ARID2: variants seen among roughly 807,000 people sequenced by gnomAD.
ARID2 encodes the protein AT-rich interactive domain-containing protein 2.
Under a neutral mutation model 184.6 loss-of-function variants are expected in ARID2, and 32 were observed. That is an observed-to-expected ratio of 0.17 (90% confidence interval 0.13 to 0.23). ARID2 has a LOEUF of 0.23. Among genes scored for constraint, ARID2 ranks in the 10% least tolerant of loss-of-function variants. The pLI is 1.00. For missense variants in ARID2, 1,696 were observed against 2,197.6 expected (o/e 0.77, Z 4.56); for synonymous variants, 836 against 772.6 (o/e 1.08, Z -1.36).
chr12:45,800,677 G>A (rs1017295736), intron 3 of ARID2, among the ~76,000 whole-genome samples: 1 of 151,906 alleles, frequency 6.6e-6, no homozygotes, highest in African/African-American at 2.4e-5. Flanking sequence ...GGAGAAAGAG[G>A]GATTCTAGGG....
At chr12:45,845,757 C>T (rs1384195172) in intron 11 of ARID2, among the ~76,000 whole-genome samples, 2 of 152,026 alleles carry the variant, frequency 1.3e-5, no homozygotes, top group African/African-American at 4.8e-5. Flanking sequence ...TTTTAAAATG[C>T]ATTTGTTCTG....
chr12:45,770,451 C>CT (rs1489311717), intron 3 of ARID2, among the ~76,000 whole-genome samples: 1 of 152,138 alleles, frequency 6.6e-6, no homozygotes, highest in Non-Finnish European at 1.5e-5. Flanking sequence ...CCAGCACAGC[C>CT]TGCAGCTAGA....
chr12:45,823,133 A>G (rs982593942), intron 6 of ARID2, among the ~76,000 whole-genome samples: 4 of 152,126 alleles, frequency 2.6e-5, no homozygotes, highest in African/African-American at 4.8e-5. Context: ...TTATATCGCA[A>G]TGGAATAAAA....
intron 3 of ARID2, among the ~76,000 whole-genome samples, chr12:45,780,840 G>A (rs1032801646): frequency 1.8e-4 from 27 of 151,918 alleles, no homozygotes; most frequent in Admixed American, 2.6e-4. Flanking sequence ...GGCTGTTCTC[G>A]AACTCCTGAC....
At chr12:45,881,478 GACTTCAGTTTC>G (rs756157829) in intron 16 of ARID2, 1 of 152,726 alleles carries the variant, frequency 6.5e-6, no homozygotes, top group Non-Finnish European at 1.5e-5. Flanking sequence ...GTTTTTCTTG[GACTTCAGTTTC>G]TTCTTTGCTG....
intron 3 of ARID2, among the ~76,000 whole-genome samples, chr12:45,741,667 G>A (rs1941260563): frequency 6.6e-6 from 1 of 152,118 alleles, no homozygotes; most frequent in African/African-American, 2.4e-5. Context: ...TTTAACATGT[G>A]TCTATTATTC....
intron 3 of ARID2, among the ~76,000 whole-genome samples, chr12:45,774,787 T>G (rs1456773035): frequency 6.6e-6 from 1 of 152,208 alleles, no homozygotes; most frequent in African/African-American, 2.4e-5. Context: ...TGTTGAATGC[T>G]TGAGTTTTAT....
chr12:45,735,586 G>A (rs1391204877), intron 3 of ARID2, among the ~76,000 whole-genome samples: 3 of 151,812 alleles, frequency 2.0e-5, no homozygotes, highest in Admixed American at 2.0e-4. Flanking sequence ...CTTCCAAAGT[G>A]CTCGGATACA....
At chr12:45,784,663 CAAGAA>C (rs1368578713) in intron 3 of ARID2, among the ~76,000 whole-genome samples, 2 of 151,934 alleles carry the variant, frequency 1.3e-5, no homozygotes, top group Admixed American at 1.3e-4. Context: ...GACCTTGTCT[CAAGAA>C]AAGAAAAAAT....
chr12:45,743,943 T>C (rs540625478), intron 3 of ARID2, among the ~76,000 whole-genome samples: 1 of 152,318 alleles, frequency 6.6e-6, no homozygotes, highest in South Asian at 2.1e-4. Flanking sequence ...TGAACTTTTA[T>C]ATTTTCTAAC....
In ARID2 at chr12:45,852,676, C is replaced by T. The variant is rs769545688; in HGVS notation, c.4553C>T (p.Pro1518Leu). 18 of 1,613,988 alleles carry T rather than the reference C, an allele frequency of 1.1e-5. No individual in the cohort carries two copies. The Admixed American group carries it at 2.7e-4, about 24-fold the overall frequency. ...GCAGAATGCAAAACTGTAAAGAGGCCAGCAGAGGATACTGATAGGGAAACA... is the reference window on the plus strand; with the variant it reads ...GCAGAATGCAAAACTGTAAAGAGGCTAGCAGAGGATACTGATAGGGAAACA... ...GTAECKTVKRPAEDTDRETVA... is the reference protein window; with the variant it reads ...GTAECKTVKRLAEDTDRETVA... Residue 1518 changes from proline to leucine, a missense_variant, in exon 15 of 21, where the codon CCA becomes CTA. This residue lies in a region of ARID2 where 428 missense variants were observed against 409.1 expected (regional missense o/e 1.05). Transcript: ENST00000334344.
chr12:45,873,895 G>A (rs1943965811), intron 16 of ARID2: 1 of 152,182 alleles, frequency 6.6e-6, no homozygotes, highest in Admixed American at 6.5e-5. Context: ...TGAAGGTTGG[G>A]GTAGTCATGT....
chr12:45,854,376 G>A (rs781137480), intron 15 of ARID2, among the ~76,000 whole-genome samples: 3 of 152,044 alleles, frequency 2.0e-5, no homozygotes, highest in East Asian at 1.9e-4. Flanking sequence ...CCATGAAACC[G>A]GTCCCTGGTG....
intron 20 of ARID2, among the ~76,000 whole-genome samples, chr12:45,896,673 C>A (rs1052502658): frequency 6.6e-6 from 1 of 152,074 alleles, no homozygotes; most frequent in Non-Finnish European, 1.5e-5. Context: ...TTATCAGCAG[C>A]GTGAAAACGG....
rs1226818702 is a variant in ARID2 at position 45,905,240 on chromosome 12, G to A, written c.*162G>A. ...AAGCTTCGTATTCTGATCTCTGAGTGAATCCCTTTGTTCTCTGTTTAAAAA... is the reference window on the plus strand; with the variant it reads ...AAGCTTCGTATTCTGATCTCTGAGTAAATCCCTTTGTTCTCTGTTTAAAAA... On this transcript the variant is annotated 3_prime_UTR_variant, in exon 21 of 21. Transcript: ENST00000334344. 1 of 583,778 alleles carries A rather than the reference G, an allele frequency of 1.7e-6. No homozygotes were observed. The highest frequency in any genetic ancestry group is 2.7e-6 in the Non-Finnish European group (1 of 375,684). 36.2% of individuals were successfully genotyped at this position (583,778 alleles called of 1,614,324 possible).
intron 3 of ARID2, among the ~76,000 whole-genome samples, chr12:45,767,462 T>C (rs567126617): frequency 6.6e-6 from 1 of 152,126 alleles, no homozygotes; most frequent in Non-Finnish European, 1.5e-5. Context: ...ATATTTTCCA[T>C]GCTTTGAATA....
At position 45,893,353 on chromosome 12, in the gene ARID2, C is replaced by CA. The variant is rs1466763740; in HGVS notation, c.5148-66dup. ...AGCTTAAAGGGGTTGGCAGGGTGGTCATAGTTGTCAGTCTGTCTGCAGTAT... is the reference window on the plus strand; with the variant it reads ...AGCTTAAAGGGGTTGGCAGGGTGGTCAATAGTTGTCAGTCTGTCTGCAGTAT... On this transcript the variant is annotated intron_variant, in intron 18 of 20. Transcript: ENST00000334344. 3.2e-4 allele frequency: 482 copies of CA among 1,523,608 alleles called. 3 individuals carry two copies. The highest frequency in any genetic ancestry group is 3.7e-5 in the Non-Finnish European group (42 of 1,132,400). The allele number at this position is 1,523,608 out of a possible 1,614,324, so 94.4% of individuals were successfully genotyped here.
intron 20 of ARID2, among the ~76,000 whole-genome samples, 187 bp from the exon 21 acceptor site, chr12:45,904,747 C>T (rs970358938): frequency 6.7e-6 from 1 of 148,344 alleles, no homozygotes; most frequent in Admixed American, 6.7e-5. Flanking sequence ...CAGTAATAGT[C>T]AGCCTCAGTT....
rs187336623 is a variant in ARID2, at chr12:45,892,112, T to G, written c.5147+16T>G. The G allele has an allele frequency of 2.5e-6, 4 of 1,608,882 alleles. No homozygotes were observed. The South Asian group carries it at 3.3e-5, about 13-fold the overall frequency. ...CTTCTACCAAGTAAGGAAAATGAGT[T>G]TACTTCCTGTTGTACATACAAAAAG... is the stretch of plus-strand genomic sequence containing the variant. On this transcript the variant is annotated intron_variant, in intron 18 of 20. Transcript: ENST00000334344.
Sources: allele counts gnomAD v4.1 joint callset (sites outside exome capture counted in the v4.1 genomes callset), GRCh38; gene constraint gnomAD v4.1.1; regional missense constraint gnomAD v4.1.1; transcripts MANE v1.5; gene names NCBI Gene and HGNC (gene_info 2026-07-23, HGNC 2026-07-21).